Variants in CUX1 observed in about 807,000 individuals in gnomAD.
The protein encoded by CUX1 is protein CASP.
Under a neutral mutation model 158.8 loss-of-function variants are expected in CUX1, and 31 were observed. That is an observed-to-expected ratio of 0.20 (90% CI 0.15 to 0.26). The LOEUF (loss-of-function observed/expected upper bound fraction) is 0.26, where lower values mean the gene tolerates loss of function less well. CUX1 is among the 10% of genes least tolerant of loss of function. CUX1 has a pLI of 1.00. For missense variants in CUX1, 1,589 were observed against 2,014.6 expected, an observed-to-expected ratio of 0.79 and a Z score of 4.04; for synonymous variants, 879 against 862.1, an observed-to-expected ratio of 1.02 and a Z score of -0.34.
At chr7:102,235,570 C>T (rs1362452938) in intron 22 of CUX1, among the ~76,000 whole-genome samples, 2 of 151,968 alleles carry the variant, frequency 1.3e-5, no homozygotes, top group African/African-American at 2.4e-5. Flanking sequence ...GGCATGGTGG[C>T]GCACGCCCGT....
At position 102,008,253 on chromosome 7, in the gene CUX1, C is replaced by A. The variant is rs567302851; in HGVS notation, c.142-19845C>A. Among the ~76,000 whole-genome samples, 10 of 152,156 alleles carry A rather than the reference C, an allele frequency of 6.6e-5. No individual in the cohort carries two copies. In the South Asian group the frequency reaches 2.1e-3, roughly 32 times the overall value. On this transcript the variant is annotated intron_variant, in intron 2 of 23. Coordinates refer to ENST00000292535, the MANE Select transcript of CUX1 (RefSeq NM_181552.4). The stretch of plus-strand genomic sequence containing the variant: ...TCGGTGATCTGGGAGCCTGTCCCCG[C>A]TGGCCCCCTCTCCCATGTCTTACTC...
At chr7:102,011,341 C>T (rs1270267198) in intron 2 of CUX1, among the ~76,000 whole-genome samples, 1 of 151,840 alleles carries the variant, frequency 6.6e-6, no homozygotes, top group Non-Finnish European at 1.5e-5. Context: ...CTGCTCAGCC[C>T]CTACAGCCCC....
At chr7:102,216,619 C>CCCCCCA (rs1554524756) in intron 20 of CUX1, among the ~76,000 whole-genome samples, 4 of 73,930 alleles carry the variant, frequency 5.4e-5, no homozygotes, top group South Asian at 5.4e-4. Context: ...CACACACTCC[C>CCCCCCA]CACACACACA....
At chr7:102,052,202 CAG>C (rs1411454943) in intron 3 of CUX1, among the ~76,000 whole-genome samples, 1 of 152,106 alleles carries the variant, frequency 6.6e-6, no homozygotes, top group African/African-American at 2.4e-5. Context: ...GCCTGGGTAA[CAG>C]AGTGAGACTC....
chr7:101,939,058 CATATATATAT>C (rs58303224), intron 2 of CUX1, among the ~76,000 whole-genome samples: 617 of 52,452 alleles, frequency 0.012, 6 homozygotes, highest in East Asian at 0.025. Flanking sequence ...AAAAAAAATA[CATATATATAT>C]ATATATATAT....
At position 102,197,214 on chromosome 7, in the gene CUX1, T is replaced by C; in HGVS notation, c.1803T>C (p.Val601=). ...CCAAGCCATGGAATAAACTGACTGT[T>C]CGTGGCAAGGAGCCATTTCACAAGA... The part of the protein sequence containing the change: ...ARPKPWNKLT[V]RGKEPFHKMK... The change falls in exon 15 of 24, where the codon GTT becomes GTC. Residue 601 remains valine, a synonymous_variant. Transcript: ENST00000292535. 1 of 1,614,206 alleles carries C rather than the reference T, an allele frequency of 6.2e-7. No individual in the cohort carries two copies. The highest frequency in any genetic ancestry group is 8.5e-7 in the Non-Finnish European group (1 of 1,180,040).
chr7:101,885,179 G>A (rs1247164782), intron 1 of CUX1, among the ~76,000 whole-genome samples: 1 of 152,226 alleles, frequency 6.6e-6, no homozygotes, highest in Non-Finnish European at 1.5e-5. Context: ...ACTAAGAAGT[G>A]TTTGATAGCT....
At chr7:102,277,222 G>A (rs559082890) in intron 17 of CUX1, among the ~76,000 whole-genome samples, 4 of 152,014 alleles carry the variant, frequency 2.6e-5, no homozygotes, top group Non-Finnish European at 4.4e-5. Flanking sequence ...CGCTTGAGTC[G>A]GGAGGCTGAG....
intron 2 of CUX1, among the ~76,000 whole-genome samples, chr7:101,951,188 G>T (rs1420104078): frequency 6.6e-6 from 1 of 151,998 alleles, no homozygotes; most frequent in Non-Finnish European, 1.5e-5. Flanking sequence ...AAAATAAGCC[G>T]GGTGTGGTGG....
intron 1 of CUX1, among the ~76,000 whole-genome samples, chr7:101,855,661 C>T (rs886254213): frequency 6.6e-6 from 1 of 151,984 alleles, no homozygotes; most frequent in African/African-American, 2.4e-5. Context: ...GGGTGGATCA[C>T]GAGGTCAGGA....
intron 2 of CUX1, among the ~76,000 whole-genome samples, chr7:102,027,592 G>T (rs920215453): frequency 2.6e-5 from 4 of 152,142 alleles, no homozygotes; most frequent in Non-Finnish European, 5.9e-5. Flanking sequence ...CAGGTGCGGT[G>T]GCTCACACCT....
intron 2 of CUX1, among the ~76,000 whole-genome samples, chr7:101,980,510 A>G (rs1335590473): frequency 6.6e-6 from 1 of 152,172 alleles, no homozygotes; most frequent in Admixed American, 6.5e-5. Context: ...CCCTGTTTCC[A>G]ATTAAAACAA....
chr7:102,278,634 T>TA, intron 18 of CUX1, among the ~76,000 whole-genome samples: 2 of 64,022 alleles, frequency 3.1e-5, no homozygotes, highest in Non-Finnish European at 7.0e-5. Flanking sequence ...AAAATTAAAA[T>TA]AAAATAAAAT....
rs1554538300 is a variant in CUX1, at chr7:102,248,843, C to T, written c.4319C>T (p.Pro1440Leu). 3 of 1,246,018 alleles carry T rather than the reference C, an allele frequency of 2.4e-6. No individual in the cohort carries two copies. The highest frequency in any genetic ancestry group is 4.2e-5 in the Admixed American group (1 of 23,790). 77.2% of individuals were successfully genotyped at this position (1,246,018 alleles called of 1,614,324 possible). The change falls in exon 24 of 24, where the codon CCG becomes CTG. Residue 1440 changes from proline (P) to leucine (L), a missense_variant. Around this residue, in one of 8 missense-constraint regions of CUX1, gnomAD observed 344 missense variants for 323.7 expected, o/e 1.06. Coordinates refer to ENST00000292535, the MANE Select transcript of CUX1 (RefSeq NM_181552.4). This position sits in a 1 kb window ranked among gnomAD's most constrained non-coding sequence, Gnocchi z 5.8. ...CCCGCGGCCCCGAGCTCCGCGCCGC[C>T]GCCCAGCAACAGCAGCAGCAGCAGC... The part of the protein sequence containing the change: ...EGPAAPSSAP[P>L]PSNSSSSSAP...
At chr7:101,947,213 G>C (rs1808495482) in intron 2 of CUX1, among the ~76,000 whole-genome samples, 1 of 152,026 alleles carries the variant, frequency 6.6e-6, no homozygotes, top group Non-Finnish European at 1.5e-5. Flanking sequence ...AACATAGTGA[G>C]TGAGACCCTG....
intron 18 of CUX1, chr7:102,278,141 A>T (rs1554548187): frequency 2.7e-6 from 3 of 1,106,822 alleles, no homozygotes; most frequent in African/African-American, 1.6e-5. Flanking sequence ...TGGAGATGGG[A>T]GGGTCGGGGA....
chr7:102,150,304 C>T (rs782190587), intron 8 of CUX1, among the ~76,000 whole-genome samples: 2 of 152,028 alleles, frequency 1.3e-5, no homozygotes, highest in African/African-American at 2.4e-5. Flanking sequence ...TACAGGCGCT[C>T]GCCACCATGC....
downstream of CUX1, among the ~76,000 whole-genome samples, chr7:102,259,760 AAGAAAAG>A (rs1391892946): frequency 5.4e-4 from 2 of 3,700 alleles, no homozygotes; most frequent in Non-Finnish European, 2.4e-3. Flanking sequence ...AAAAAAAAGA[AAGAAAAG>A]AGAAAGGAAG....
chr7:101,914,364 TTCCTTCCCTCCC>T (rs1349879130), intron 1 of CUX1, among the ~76,000 whole-genome samples: 27 of 137,896 alleles, frequency 2.0e-4, no homozygotes, highest in South Asian at 1.6e-3. Flanking sequence ...CCTTCCTTCC[TTCCTTCCCTCCC>T]TCCCTCCCTC....
Sources: gnomAD v4.1 joint callset for allele counts (sites outside exome capture counted in the v4.1 genomes callset) on GRCh38, gnomAD v4.1.1 for gene constraint, gnomAD v4.1.1 regional missense constraint, Gnocchi (gnomAD v3.1) non-coding constraint, MANE v1.5 for transcripts, NCBI Gene and HGNC (gene_info 2026-07-23, HGNC 2026-07-21) for gene names.